The following CACNA1A variants were observed in gnomAD, a reference collection of about 807,000 sequenced individuals.
CACNA1A encodes calcium voltage-gated channel subunit alpha1 A, also known as voltage-dependent P/Q-type calcium channel subunit alpha-1A.
In CACNA1A, 57 loss-of-function variants were observed where a neutral mutation model predicts 262.4. That is an observed-to-expected ratio of 0.22 (90% CI 0.18 to 0.27). CACNA1A has a LOEUF of 0.27. Ranked by LOEUF, CACNA1A falls within the 10% of genes least tolerant of loss-of-function variation. The pLI is 1.00. For synonymous variants in CACNA1A, 1,431 were observed against 1,419.3 expected, an observed-to-expected ratio of 1.01 and a Z score of -0.18; for missense variants, 2,526 against 3,562.8, an observed-to-expected ratio of 0.71 and a Z score of 7.41.
chr19:13,285,311 A>C, intron 20 of CACNA1A, 105 bp from the exon 21 acceptor site: 2 of 1,280,596 alleles, frequency 1.6e-6, no homozygotes, highest in Non-Finnish European at 2.2e-6. Context: ...GACATTTCTA[A>C]AGTGCCTGCT....
Position 13,207,283 on chromosome 19 carries a change from G to C in CACNA1A, c.*30C>G. ...TGGGGTGTGTGCGTGGGGTGCGTGG[G>C]GGGCCGGGCGGGCGCCACCTCGCCC... On this transcript the variant is annotated 3_prime_UTR_variant, in exon 47 of 47. Transcript: ENST00000360228. The surrounding 1 kb of genome is among the most constrained non-coding windows in gnomAD (Gnocchi z 5.7). 1 of 1,526,768 alleles carries C rather than the reference G, an allele frequency of 6.5e-7. No homozygotes were observed. The highest frequency in any genetic ancestry group is 1.4e-5 in the African/African-American group (1 of 71,006). 94.6% of individuals were successfully genotyped at this position (1,526,768 alleles called of 1,614,324 possible).
At chr19:13,220,438 A>G (rs1397435832) in intron 38 of CACNA1A, among the ~76,000 whole-genome samples, 1 of 152,144 alleles carries the variant, frequency 6.6e-6, no homozygotes, top group Non-Finnish European at 1.5e-5. Flanking sequence ...AGGAGCAAAA[A>G]GCTAAAAAGC....
intron 32 of CACNA1A, 143 bp from the exon 33 acceptor site, chr19:13,235,417 C>T (rs2055841544): frequency 1.1e-6 from 1 of 875,420 alleles, no homozygotes; most frequent in Admixed American, 2.0e-5. Context: ...GTGGGCATCT[C>T]TGGGGGCTCT....
At position 13,285,410 on chromosome 19, in the gene CACNA1A, T is replaced by C. The variant is rs542759970; in HGVS notation, c.3554-204A>G. Among the ~76,000 whole-genome samples the C allele has an allele frequency of 2.0e-4, 31 of 152,166 alleles. 1 individual carries two copies. The South Asian group carries it at 6.0e-3, about 30-fold the overall frequency. ...GATCTCCTGTTTACAGATGAGGAAATTGAGGCACAGAGAAGTAAAGTGACT... is the reference window on the plus strand; with the variant it reads ...GATCTCCTGTTTACAGATGAGGAAACTGAGGCACAGAGAAGTAAAGTGACT... On this transcript the variant is annotated intron_variant, in intron 20 of 46. Transcript: ENST00000360228.
At chr19:13,333,458 A>G (rs4926267) in intron 8 of CACNA1A, among the ~76,000 whole-genome samples, 98,401 of 151,514 alleles carry the variant, frequency 0.65, 32,390 homozygotes, top group Admixed American at 0.74. Flanking sequence ...TCTCTGACAC[A>G]GAGTCTCACT....
intron 36 of CACNA1A, 119 bp downstream of exon 36, chr19:13,229,963 A>C: frequency 8.8e-7 from 1 of 1,132,852 alleles, no homozygotes; most frequent in Non-Finnish European, 1.2e-6. Flanking sequence ...TGAACCTGTG[A>C]GACCCCTGCT....
At chr19:13,464,642 A>G (rs964271913) in intron 1 of CACNA1A, among the ~76,000 whole-genome samples, 5 of 146,842 alleles carry the variant, frequency 3.4e-5, no homozygotes, top group African/African-American at 1.3e-4. Context: ...TCCGCCTCCC[A>G]GGTTCACGCC....
chr19:13,477,872 A>T (rs554858318), intron 1 of CACNA1A, among the ~76,000 whole-genome samples: 1 of 152,216 alleles, frequency 6.6e-6, no homozygotes, highest in South Asian at 2.1e-4. Flanking sequence ...TACGACGATT[A>T]TTTGTCAACC....
chr19:13,384,374 G>A (rs2059572981), intron 3 of CACNA1A, among the ~76,000 whole-genome samples: 1 of 152,124 alleles, frequency 6.6e-6, no homozygotes, highest in Admixed American at 6.6e-5. Context: ...AGACTGGTGT[G>A]GAGAATGGCA....
intron 38 of CACNA1A, among the ~76,000 whole-genome samples, chr19:13,219,321 C>T (rs557452825): frequency 2.6e-5 from 4 of 152,218 alleles, no homozygotes; most frequent in South Asian, 2.1e-4. Flanking sequence ...GGATTACAGG[C>T]GTGAGCCACC....
At chr19:13,348,632 T>G (rs1279895656) in intron 6 of CACNA1A, among the ~76,000 whole-genome samples, 2 of 152,074 alleles carry the variant, frequency 1.3e-5, no homozygotes, top group Non-Finnish European at 2.9e-5. Flanking sequence ...GCTCAGGAGA[T>G]CGAGACCATC....
chr19:13,286,369 C>T (rs984947753), intron 20 of CACNA1A, 134 bp downstream of exon 20: 22 of 474,826 alleles, frequency 4.6e-5, no homozygotes, highest in Middle Eastern at 5.4e-4. Flanking sequence ...TAGGAAACTA[C>T]GCCTATGCCC....
intron 10 of CACNA1A, among the ~76,000 whole-genome samples, chr19:13,320,237 C>CGAGAGAGAGT: frequency 7.9e-6 from 1 of 127,150 alleles, no homozygotes; most frequent in East Asian, 2.5e-4. Flanking sequence ...TTCCACAGAT[C>CGAGAGAGAGT]GAGAGAGAGA....
rs575512750 is a variant in CACNA1A at position 13,433,591 on chromosome 19, G to T, written c.539+19285C>A. 2.6e-5 allele frequency among the ~76,000 whole-genome samples: 4 copies of T among 152,032 alleles called. No individual in the cohort carries two copies. In the East Asian group the frequency reaches 7.7e-4, roughly 29 times the overall value. On this transcript the variant is annotated intron_variant, in intron 3 of 46. Transcript: ENST00000360228. Reference sequence around the variant, plus strand: ...AGTGACCTTGGTCTGGCTGGTAGGCGGGGGATGCAGGTCAGATTATTGACC... The same window carrying T: ...AGTGACCTTGGTCTGGCTGGTAGGCTGGGGATGCAGGTCAGATTATTGACC...
chr19:13,425,660 T>C (rs1182128522), intron 3 of CACNA1A, among the ~76,000 whole-genome samples: 1 of 152,206 alleles, frequency 6.6e-6, no homozygotes, highest in Non-Finnish European at 1.5e-5. Context: ...AAGTCTAAGA[T>C]GGTCCTAGAC....
intron 3 of CACNA1A, among the ~76,000 whole-genome samples, chr19:13,377,160 C>T (rs2059434291): frequency 6.6e-6 from 1 of 151,736 alleles, no homozygotes; most frequent in African/African-American, 2.4e-5. Context: ...TGGGGTTTCA[C>T]CATGTTGGCC....
At chr19:13,443,298 G>C (rs2060756278) in intron 3 of CACNA1A, among the ~76,000 whole-genome samples, 1 of 151,984 alleles carries the variant, frequency 6.6e-6, no homozygotes, top group African/African-American at 2.4e-5. Context: ...CTGTAAATGG[G>C]AATAATAATA....
intron 29 of CACNA1A, 28 bp from the exon 30 acceptor site, chr19:13,253,129 G>A (rs1164483049): frequency 2.7e-6 from 4 of 1,467,976 alleles, no homozygotes; most frequent in Middle Eastern, 1.7e-4. Flanking sequence ...GAGTAGCAGG[G>A]GTCAGCGAGC....
At chr19:13,234,597 C>A (rs1188195548) in intron 34 of CACNA1A, among the ~76,000 whole-genome samples, 1 of 152,010 alleles carries the variant, frequency 6.6e-6, no homozygotes, top group African/African-American at 2.4e-5. Flanking sequence ...TTCTGCCCTG[C>A]TAGGATTCCT....
Sources: gnomAD v4.1 joint callset for allele counts (sites outside exome capture counted in the v4.1 genomes callset) on GRCh38, gnomAD v4.1.1 for gene constraint, Gnocchi (gnomAD v3.1) non-coding constraint, MANE v1.5 for transcripts, NCBI Gene and HGNC (gene_info 2026-07-23, HGNC 2026-07-21) for gene names.